Variants in RGS13 observed in about 807,000 individuals in gnomAD.
The protein encoded by RGS13 is regulator of G-protein signalling 13.
RGS13 carries 14 observed loss-of-function variants against 19.9 expected under a neutral mutation model. That is an observed-to-expected ratio of 0.70 (90% CI 0.46 to 1.10). The LOEUF is 1.10. Among genes scored for constraint, RGS13 ranks in the 50% least tolerant of loss-of-function variants. RGS13 has a pLI of 0.00. For synonymous variants in RGS13, 60 were observed against 56.8 expected (o/e 1.06, Z -0.25); for missense variants, 205 against 187.1 (o/e 1.10, Z -0.56).
intron 1 of RGS13, among the ~76,000 whole-genome samples, chr1:192,637,385 A>T (rs1371382472): frequency 6.6e-6 from 1 of 151,966 alleles, no homozygotes; most frequent in Non-Finnish European, 1.5e-5. Context: ...AAATTTTTAT[A>T]ATAAGCCATG....
At chr1:192,657,516 G>A (rs770633183) in intron 5 of RGS13, among the ~76,000 whole-genome samples, 3 of 151,982 alleles carry the variant, frequency 2.0e-5, no homozygotes, top group Middle Eastern at 3.2e-3. Context: ...AAGAATCTCC[G>A]GCATCAAGTG....
At chr1:192,648,592 G>C (rs905114113) in intron 5 of RGS13, among the ~76,000 whole-genome samples, 1 of 152,044 alleles carries the variant, frequency 6.6e-6, no homozygotes, top group Non-Finnish European at 1.5e-5. Context: ...GTCCGTTGTA[G>C]AAAATGATAA....
intron 5 of RGS13, among the ~76,000 whole-genome samples, chr1:192,653,969 G>A (rs2102037045): frequency 6.6e-6 from 1 of 151,904 alleles, no homozygotes; most frequent in Non-Finnish European, 1.5e-5. Flanking sequence ...GGGGGAGCGG[G>A]GAGGGATAGC....
intron 4 of RGS13, chr1:192,646,695 A>G (rs1663227931): frequency 6.6e-6 from 1 of 151,698 alleles, no homozygotes; most frequent in Admixed American, 6.6e-5. Flanking sequence ...TGTTCTCCCC[A>G]ATGTGTCCAT....
At chr1:192,639,492 GAGA>G (rs1221556906) in intron 3 of RGS13, among the ~76,000 whole-genome samples, 1 of 152,100 alleles carries the variant, frequency 6.6e-6, no homozygotes. Context: ...CAAAAATGAA[GAGA>G]AGGAGGATTT....
chr1:192,639,861 T>G (rs1463660229), intron 3 of RGS13, among the ~76,000 whole-genome samples: 1 of 152,144 alleles, frequency 6.6e-6, no homozygotes, highest in Non-Finnish European at 1.5e-5. Context: ...CATCCAGAAA[T>G]TACTTTACCT....
At chr1:192,653,163 G>T (rs1039198569) in intron 5 of RGS13, among the ~76,000 whole-genome samples, 33 of 151,882 alleles carry the variant, frequency 2.2e-4, no homozygotes, top group African/African-American at 6.5e-4. Flanking sequence ...AGTATATAAA[G>T]AGATCTGAAA....
At chr1:192,649,462 C>T (rs547157027) in intron 5 of RGS13, among the ~76,000 whole-genome samples, 1 of 152,200 alleles carries the variant, frequency 6.6e-6, no homozygotes, top group South Asian at 2.1e-4. Context: ...AGGTGAGATA[C>T]AAAACATCTA....
chr1:192,654,248 T>C (rs1295624163), intron 5 of RGS13, among the ~76,000 whole-genome samples: 1 of 151,844 alleles, frequency 6.6e-6, no homozygotes, highest in Non-Finnish European at 1.5e-5. Context: ...GAGGGCTGAC[T>C]GTATGCCATT....
intron 4 of RGS13, chr1:192,647,145 T>C (rs1663237608): frequency 6.6e-6 from 1 of 152,140 alleles, no homozygotes; most frequent in African/African-American, 2.4e-5. Flanking sequence ...GTGGATTAAC[T>C]CTAAGATTCT....
chr1:192,644,502 A>T, intron 4 of RGS13, 103 bp downstream of exon 4: 1 of 926,938 alleles, frequency 1.1e-6, no homozygotes, highest in Non-Finnish European at 1.7e-6. Flanking sequence ...TTTGTTCAGA[A>T]AGTAAAATTT....
At position 192,658,268 on chromosome 1, in the gene RGS13, G is replaced by A. The variant is rs117958126; in HGVS notation, c.195G>A (p.Met65Ile). 139 of 1,613,238 alleles carry A rather than the reference G, an allele frequency of 8.6e-5. 1 individual carries two copies. In the East Asian group the frequency reaches 2.8e-3, roughly 33 times the overall value. Residue 65 changes from methionine (M) to isoleucine (I), a missense_variant, in exon 6 of 7, where the codon ATG becomes ATA. Physicochemically the swap from Met to Ile is conservative, Grantham distance 10 (BLOSUM62 1). Transcript: ENST00000391995. Reference sequence around the variant, plus strand: ...GTGACGAGAATATTCAATTCTGGATGGCATGTGAAACCTATAAGAAAATTG... The same window carrying A: ...GTGACGAGAATATTCAATTCTGGATAGCATGTGAAACCTATAAGAAAATTG... ...EHSDENIQFWMACETYKKIAS... is the reference protein window; with the variant it reads ...EHSDENIQFWIACETYKKIAS...
chr1:192,642,169 G>A (rs553474196), intron 3 of RGS13, among the ~76,000 whole-genome samples: 8 of 152,164 alleles, frequency 5.3e-5, no homozygotes, highest in African/African-American at 1.4e-4. Flanking sequence ...CAACGTGCTC[G>A]GCCTCTGCCT....
chr1:192,651,850 C>T (rs768049961), intron 5 of RGS13, among the ~76,000 whole-genome samples: 26 of 151,950 alleles, frequency 1.7e-4, no homozygotes, highest in Admixed American at 6.6e-5. Context: ...AACATAACAA[C>T]GGAGGAGGTA....
intron 5 of RGS13, among the ~76,000 whole-genome samples, chr1:192,649,317 A>G (rs921523399): frequency 1.3e-5 from 2 of 152,110 alleles, no homozygotes; most frequent in African/African-American, 4.8e-5. Flanking sequence ...TCAGTTAACT[A>G]TATTGTAAAT....
intron 5 of RGS13, among the ~76,000 whole-genome samples, chr1:192,654,766 G>A (rs1663405179): frequency 6.6e-6 from 1 of 152,012 alleles, no homozygotes; most frequent in South Asian, 2.1e-4. Context: ...AAGAACACTG[G>A]CATGTGTCAC....
intron 3 of RGS13, among the ~76,000 whole-genome samples, chr1:192,641,313 A>C (rs551702175): frequency 6.6e-6 from 1 of 150,890 alleles, no homozygotes; most frequent in African/African-American, 2.4e-5. Context: ...AAAGAAAAGA[A>C]AGAAAGGAGG....
chr1:192,642,648 A>G (rs1014735251), intron 3 of RGS13, among the ~76,000 whole-genome samples: 27 of 151,890 alleles, frequency 1.8e-4, no homozygotes, highest in Admixed American at 1.7e-3. Flanking sequence ...TATTTCCTCA[A>G]TGGGACATAA....
chr1:192,654,877 A>G (rs1663407218), intron 5 of RGS13, among the ~76,000 whole-genome samples: 2 of 152,052 alleles, frequency 1.3e-5, no homozygotes, highest in East Asian at 3.8e-4. Flanking sequence ...AAAAGTATAC[A>G]CTATGTATGA....
Sources: allele counts gnomAD v4.1 joint callset (sites outside exome capture counted in the v4.1 genomes callset), GRCh38; gene constraint gnomAD v4.1.1; transcripts MANE v1.5; gene names NCBI Gene and HGNC (gene_info 2026-07-23, HGNC 2026-07-21).